The following DNAH5 variants were observed in gnomAD, a reference collection of about 807,000 sequenced individuals.
DNAH5 encodes axonemal beta dynein heavy chain 5.
In DNAH5, 372 loss-of-function variants were observed where a neutral mutation model predicts 518.2. The ratio of observed to expected loss-of-function variants is 0.72; its 90% CI spans 0.66 to 0.78. The LOEUF is 0.78. DNAH5 is among the 30% of genes least tolerant of loss of function. The pLI, the probability that DNAH5 is intolerant of heterozygous loss-of-function variation, is 0.00. For missense variants in DNAH5, 5,523 were observed against 5,687.0 expected (o/e 0.97, Z 0.93); for synonymous variants, 2,039 against 2,025.9 (o/e 1.01, Z -0.17).
chr5:13,778,574 GAA>G (rs1372995976), intron 53 of DNAH5, among the ~76,000 whole-genome samples: 9 of 73,072 alleles, frequency 1.2e-4, no homozygotes, highest in African/African-American at 4.7e-4. Flanking sequence ...AAGAAAGAAA[GAA>G]AGAAAGAAAG....
intron 1 of DNAH5, among the ~76,000 whole-genome samples, chr5:13,987,895 G>T (rs972290899): frequency 8.2e-6 from 1 of 122,366 alleles, no homozygotes; most frequent in African/African-American, 3.1e-5. Context: ...TATTCAATAG[G>T]ACCCTTCAAA....
At chr5:13,977,291 G>A (rs1185321874) in intron 1 of DNAH5, among the ~76,000 whole-genome samples, 1 of 152,168 alleles carries the variant, frequency 6.6e-6, no homozygotes, top group Non-Finnish European at 1.5e-5. Context: ...ACATCTCCCA[G>A]GTTCTCCGGG....
At chr5:13,881,496 C>A (rs1771677402) in intron 21 of DNAH5, among the ~76,000 whole-genome samples, 1 of 151,594 alleles carries the variant, frequency 6.6e-6, no homozygotes, top group Non-Finnish European at 1.5e-5. Context: ...AACTAGAAAT[C>A]AGGAAAAAAA....
At chr5:13,720,949 A>G in intron 71 of DNAH5, 51 bp downstream of exon 71, 1 of 1,613,038 alleles carries the variant, frequency 6.2e-7, no homozygotes, top group Non-Finnish European at 8.5e-7. Flanking sequence ...TTGCTATTCT[A>G]TAACCTGTAA....
At chr5:13,759,036 C>T in intron 60 of DNAH5, 53 bp from the exon 61 acceptor site, 2 of 1,611,094 alleles carry the variant, frequency 1.2e-6, no homozygotes, top group South Asian at 2.2e-5. Flanking sequence ...TCAAAACATC[C>T]TGCATTTCAG....
At chr5:13,743,241 G>A (rs1441735553) in intron 65 of DNAH5, among the ~76,000 whole-genome samples, 1 of 152,042 alleles carries the variant, frequency 6.6e-6, no homozygotes, top group African/African-American at 2.4e-5. Context: ...AAAGATTTGT[G>A]CTAAGTGTTC....
rs771017031 is a variant in DNAH5, at chr5:13,776,539, C to A, written c.9273G>T (p.Val3091=). The A allele has an allele frequency of 1.4e-5, 22 of 1,613,804 alleles. No individual in the cohort carries two copies. Among genetic ancestry groups the A allele is most frequent in the Non-Finnish European group, 1.8e-5 (21 of 1,179,864 alleles). Reference sequence around the variant, plus strand: ...AAGCTCTGTTTCGAAATTTCTCCCCCACTGGCGAGAAGCAGAGCACAATAT... The same window carrying A: ...AAGCTCTGTTTCGAAATTTCTCCCCAACTGGCGAGAAGCAGAGCACAATAT... The part of the protein sequence containing the change: ...NLHIVLCFSP[V]GEKFRNRALK... Residue 3091 remains valine, a synonymous_variant, in exon 55 of 79, where the codon GTG becomes GTT. Transcript: ENST00000265104.
chr5:13,822,961 T>C (rs1762420826), intron 40 of DNAH5, among the ~76,000 whole-genome samples: 1 of 152,200 alleles, frequency 6.6e-6, no homozygotes, highest in Non-Finnish European at 1.5e-5. Context: ...ATGAGCCCCA[T>C]CCAACCCCTG....
intron 22 of DNAH5, 48 bp from the exon 23 acceptor site, chr5:13,871,813 C>T (rs1770147711): frequency 6.6e-7 from 1 of 1,516,412 alleles, no homozygotes; most frequent in East Asian, 2.3e-5. Flanking sequence ...ATCTGAAAGG[C>T]ACAATGATAT....
At position 13,801,196 on chromosome 5, in the gene DNAH5, G is replaced by A. The variant is rs560898178; in HGVS notation, c.7887+6395C>T. Among the ~76,000 whole-genome samples the A allele has an allele frequency of 1.8e-4, 28 of 152,176 alleles. 1 individual carries two copies. The South Asian group carries it at 5.4e-3, about 29-fold the overall frequency. Reference sequence around the variant, plus strand: ...TGGATCATGGAGGTGGTTTCTAACGGTTTAGCACTATCCCCCCAGTGCTGT... The same window carrying A: ...TGGATCATGGAGGTGGTTTCTAACGATTTAGCACTATCCCCCCAGTGCTGT... On this transcript the variant is annotated intron_variant, in intron 47 of 78. Coordinates refer to ENST00000265104, the MANE Select transcript of DNAH5 (RefSeq NM_001369.3).
chr5:13,970,018 T>C (rs909109255), intron 1 of DNAH5, among the ~76,000 whole-genome samples: 2 of 152,230 alleles, frequency 1.3e-5, no homozygotes, highest in Admixed American at 6.5e-5. Flanking sequence ...TATTTTCCTG[T>C]TGGACTAGTC....
chr5:13,844,319 G>C (rs1765669011), intron 32 of DNAH5, among the ~76,000 whole-genome samples: 1 of 152,208 alleles, frequency 6.6e-6, no homozygotes, highest in Admixed American at 6.5e-5. Flanking sequence ...AATTTGGGTG[G>C]AGGGATGGAT....
chr5:13,943,167 C>T (rs983410157), intron 1 of DNAH5, among the ~76,000 whole-genome samples: 4 of 152,176 alleles, frequency 2.6e-5, no homozygotes, highest in African/African-American at 9.7e-5. Flanking sequence ...AGACTTGGTA[C>T]TGAAGCACAG....
chr5:13,988,795 C>T (rs1336293727), intron 1 of DNAH5, among the ~76,000 whole-genome samples: 1 of 146,052 alleles, frequency 6.8e-6, no homozygotes, highest in Non-Finnish European at 1.5e-5. Flanking sequence ...GGTGCGATCT[C>T]ACCTCACTGC....
At chr5:13,880,089 A>G (rs1254883587) in intron 21 of DNAH5, among the ~76,000 whole-genome samples, 1 of 152,212 alleles carries the variant, frequency 6.6e-6, no homozygotes, top group African/African-American at 2.4e-5. Context: ...GGGAACACTC[A>G]TAAGACTATC....
At chr5:13,811,473 T>C (rs754153753) in intron 44 of DNAH5, among the ~76,000 whole-genome samples, 174 bp downstream of exon 44, 40 of 152,326 alleles carry the variant, frequency 2.6e-4, no homozygotes, top group Non-Finnish European at 5.9e-4. Flanking sequence ...AGTATATATG[T>C]GGGATCCATG....
chr5:13,859,349 G>A (rs1170334187), intron 30 of DNAH5, 103 bp downstream of exon 30: 2 of 1,226,998 alleles, frequency 1.6e-6, no homozygotes, highest in Non-Finnish European at 2.4e-6. Flanking sequence ...TTGAAGGAAG[G>A]GGGTTCAATA....
chr5:13,721,090 C>T lies in DNAH5; in HGVS notation c.12189G>A (p.Gly4063=), dbSNP rs144879072. 2.2e-5 allele frequency: 35 copies of T among 1,614,118 alleles called. No individual in the cohort carries two copies. In the African/African-American group the frequency reaches 3.6e-4, roughly 17 times the overall value. Residue 4063 remains glycine, a synonymous_variant, in exon 71 of 79, where the codon GGG becomes GGA. Coordinates refer to ENST00000265104, the MANE Select transcript of DNAH5 (RefSeq NM_001369.3). ...AACGGGTTTCTATTTTTAATCTCTT[C>T]CCCAAGGCAATGATGGAATCTGTGG... The part of the protein sequence containing the change: ...SDPTDSIIAL[G]KRLKIETRYV...
chr5:13,807,507 C>T, intron 47 of DNAH5, 84 bp downstream of exon 47: 1 of 1,330,106 alleles, frequency 7.5e-7, no homozygotes, highest in Admixed American at 1.9e-5. Flanking sequence ...AGATGAGATT[C>T]AATTGAAGCA....
Sources: gnomAD v4.1 joint callset for allele counts (sites outside exome capture counted in the v4.1 genomes callset) on GRCh38, gnomAD v4.1.1 for gene constraint, MANE v1.5 for transcripts, NCBI Gene and HGNC (gene_info 2026-07-23, HGNC 2026-07-21) for gene names.